Variants in ADCY2 observed in about 807,000 individuals in gnomAD.
The protein encoded by ADCY2 is adenylate cyclase type 2.
ADCY2 carries 31 observed loss-of-function variants against 125.2 expected under a neutral mutation model. The observed-to-expected ratio is 0.25, with a 90% confidence interval of 0.19 to 0.33. ADCY2 has a LOEUF of 0.33. Among genes scored for constraint, ADCY2 ranks in the 10% least tolerant of loss-of-function variants. The pLI is 1.00. For missense variants in ADCY2, 904 were observed against 1,418.2 expected (o/e 0.64, Z 5.82); for synonymous variants, 512 against 548.4 (o/e 0.93, Z 0.93).
rs1735054026 is a variant in ADCY2, at chr5:7,543,376, T to G, written c.570+22477T>G. 1.3e-5 allele frequency among the ~76,000 whole-genome samples: 2 copies of G among 152,198 alleles called. 1 individual carries two copies. Among genetic ancestry groups the G allele is most frequent in the African/African-American group, 4.8e-5 (2 of 41,460 alleles). On this transcript the variant is annotated intron_variant, in intron 3 of 24. Transcript: ENST00000338316. The stretch of plus-strand genomic sequence containing the variant: ...TTTAATTAATTGGATTAGTATTGTA[T>G]TTCAATATTTTGATTTACTTTGTTT...
intron 2 of ADCY2, among the ~76,000 whole-genome samples, chr5:7,417,347 G>A (rs775637381): frequency 1.6e-4 from 24 of 152,094 alleles, no homozygotes; most frequent in Non-Finnish European, 1.6e-4. Flanking sequence ...TACAGTGTCC[G>A]TGGGCTCTTC....
intron 7 of ADCY2, among the ~76,000 whole-genome samples, chr5:7,704,592 C>T (rs1741200249): frequency 6.6e-6 from 1 of 152,080 alleles, no homozygotes; most frequent in Admixed American, 6.5e-5. Context: ...AAACATGTGG[C>T]TAGTTGGCCG....
intron 3 of ADCY2, 59 bp downstream of exon 3, chr5:7,520,958 C>A (rs1198481241): frequency 1.6e-5 from 25 of 1,597,718 alleles, no homozygotes; most frequent in African/African-American, 4.0e-5. Flanking sequence ...GGGGGTGAGG[C>A]AGGTGCTGCT....
chr5:7,629,956 T>C (rs1738261089), intron 4 of ADCY2, among the ~76,000 whole-genome samples: 1 of 152,232 alleles, frequency 6.6e-6, no homozygotes, highest in African/African-American at 2.4e-5. Flanking sequence ...GAATAAACCC[T>C]CTTTAATTTA....
intron 24 of ADCY2, among the ~76,000 whole-genome samples, chr5:7,826,162 A>C (rs1276840942): frequency 2.6e-5 from 4 of 151,884 alleles, no homozygotes; most frequent in Non-Finnish European, 5.9e-5. Flanking sequence ...AAGGCATCAA[A>C]CCTGACAGAC....
chr5:7,535,345 C>G (rs1359160297), intron 3 of ADCY2, among the ~76,000 whole-genome samples: 1 of 152,202 alleles, frequency 6.6e-6, no homozygotes, highest in Non-Finnish European at 1.5e-5. Flanking sequence ...GCAGTGAGTA[C>G]ACATAGTATT....
At chr5:7,629,452 A>T (rs961396483) in intron 4 of ADCY2, among the ~76,000 whole-genome samples, 15 of 152,234 alleles carry the variant, frequency 9.9e-5, no homozygotes, top group African/African-American at 1.4e-4. Context: ...TGAATTTCTA[A>T]AGATTAAAGC....
At chr5:7,592,726 CAG>C (rs762461067) in intron 3 of ADCY2, among the ~76,000 whole-genome samples, 3 of 152,068 alleles carry the variant, frequency 2.0e-5, no homozygotes, top group Non-Finnish European at 4.4e-5. Flanking sequence ...TAAACATAAA[CAG>C]AGGAAAATTC....
chr5:7,426,283 A>C (rs1335392738), intron 2 of ADCY2, among the ~76,000 whole-genome samples: 5 of 152,232 alleles, frequency 3.3e-5, no homozygotes, highest in African/African-American at 1.2e-4. Context: ...CCTTTGTCTT[A>C]GTCCATTTTG....
At chr5:7,773,885 A>G (rs185490951) in intron 18 of ADCY2, among the ~76,000 whole-genome samples, 250 of 152,286 alleles carry the variant, frequency 1.6e-3, no homozygotes, top group African/African-American at 5.7e-3. Context: ...AAATTGTTTT[A>G]ATCATTATGA....
Position 7,564,699 on chromosome 5 carries a change from C to G in ADCY2, c.570+43800C>G, listed in dbSNP as rs144721026. 8.1e-4 allele frequency among the ~76,000 whole-genome samples: 123 copies of G among 152,266 alleles called. No homozygotes were observed. The South Asian group carries it at 0.012, about 15-fold the overall frequency. ...GCACCTGAAATGCTCATCCTGCCAC[C>G]CTGCCTGCTAAGGGCCTTGGGCTTT... On this transcript the variant is annotated intron_variant, in intron 3 of 24. Coordinates refer to ENST00000338316, the MANE Select transcript of ADCY2 (RefSeq NM_020546.3).
intron 2 of ADCY2, among the ~76,000 whole-genome samples, chr5:7,480,978 T>C (rs1742707712): frequency 2.0e-5 from 3 of 152,186 alleles, no homozygotes; most frequent in African/African-American, 7.2e-5. Context: ...ATGCCAATTT[T>C]CTCTTTTTGG....
chr5:7,402,466 T>C (rs1056232140), intron 1 of ADCY2, among the ~76,000 whole-genome samples: 1 of 152,246 alleles, frequency 6.6e-6, no homozygotes, highest in Non-Finnish European at 1.5e-5. Flanking sequence ...CTTCTGCTTA[T>C]ACTTCTGTCT....
At chr5:7,756,690 G>T (rs572657411) in intron 15 of ADCY2, among the ~76,000 whole-genome samples, 3 of 152,256 alleles carry the variant, frequency 2.0e-5, no homozygotes, top group African/African-American at 7.2e-5. Context: ...GGGAGGAACG[G>T]GGAGTTGTTT....
intron 2 of ADCY2, among the ~76,000 whole-genome samples, chr5:7,427,372 G>T (rs1442844656): frequency 6.6e-6 from 1 of 152,202 alleles, no homozygotes; most frequent in Non-Finnish European, 1.5e-5. Context: ...GGCTGAGAAG[G>T]CCTTAGGAAA....
chr5:7,513,374 A>T (rs983260652), intron 2 of ADCY2, among the ~76,000 whole-genome samples: 3 of 152,256 alleles, frequency 2.0e-5, no homozygotes, highest in African/African-American at 7.2e-5. Context: ...AAGGAACAAG[A>T]TAAGAAAATA....
intron 7 of ADCY2, among the ~76,000 whole-genome samples, chr5:7,700,185 G>A (rs773778504): frequency 6.6e-6 from 1 of 152,026 alleles, no homozygotes; most frequent in Non-Finnish European, 1.5e-5. Flanking sequence ...ATTTTAATTT[G>A]TATTTGTAAC....
chr5:7,471,555 T>A (rs889975319), intron 2 of ADCY2, among the ~76,000 whole-genome samples: 1 of 152,052 alleles, frequency 6.6e-6, no homozygotes, highest in South Asian at 2.1e-4. Flanking sequence ...TTTTTACCTA[T>A]GCTACAAATC....
chr5:7,476,320 G>A (rs934519232), intron 2 of ADCY2, among the ~76,000 whole-genome samples: 8 of 152,126 alleles, frequency 5.3e-5, no homozygotes, highest in Non-Finnish European at 8.8e-5. Flanking sequence ...CAGCCCACAG[G>A]CCAGGCCTGG....
Sources: gnomAD v4.1 joint callset for allele counts (sites outside exome capture counted in the v4.1 genomes callset) on GRCh38, gnomAD v4.1.1 for gene constraint, MANE v1.5 for transcripts, NCBI Gene and HGNC (gene_info 2026-07-23, HGNC 2026-07-21) for gene names.